Variants in UBASH3B observed in about 807,000 individuals in gnomAD.
UBASH3B encodes ubiquitin-associated and SH3 domain-containing protein B.
UBASH3B carries 37 observed loss-of-function variants against 83.4 expected under a neutral mutation model. The observed-to-expected ratio is 0.44, with a 90% CI of 0.34 to 0.58. The LOEUF is 0.58. UBASH3B is among the 20% of genes least tolerant of loss of function. UBASH3B has a pLI of 0.01. For missense variants in UBASH3B, 657 were observed against 827.2 expected, an observed-to-expected ratio of 0.79 and a Z score of 2.52; for synonymous variants, 304 against 318.3, an observed-to-expected ratio of 0.96 and a Z score of 0.48.
intron 1 of UBASH3B, chr11:122,709,599 TAAAC>T (rs1479862386): frequency 6.6e-6 from 1 of 152,090 alleles, no homozygotes; most frequent in African/African-American, 2.4e-5. Context: ...AGAATGAAAA[TAAAC>T]CCAGCAGCTG....
At chr11:122,732,076 C>T (rs1860853515) in intron 1 of UBASH3B, among the ~76,000 whole-genome samples, 1 of 152,212 alleles carries the variant, frequency 6.6e-6, no homozygotes, top group African/African-American at 2.4e-5. Context: ...TCTCCCCCAT[C>T]TCTAGTCTCC....
intron 1 of UBASH3B, among the ~76,000 whole-genome samples, chr11:122,675,566 G>A (rs1333336816): frequency 1.3e-5 from 2 of 152,288 alleles, no homozygotes; most frequent in East Asian, 3.9e-4. Context: ...TAGCTCAGCC[G>A]CTGTTCTGTC....
chr11:122,733,785 A>G (rs767502500), intron 1 of UBASH3B, among the ~76,000 whole-genome samples: 2 of 152,250 alleles, frequency 1.3e-5, no homozygotes, highest in African/African-American at 2.4e-5. Context: ...TTATTGAAGA[A>G]CTAGAATATC....
chr11:122,776,919 G>A, intron 2 of UBASH3B, 105 bp from the exon 3 acceptor site: 1 of 1,105,780 alleles, frequency 9.0e-7, no homozygotes, highest in Non-Finnish European at 1.3e-6. Flanking sequence ...TCCCCGCGCT[G>A]TGCCGGGGAT....
At chr11:122,801,596 T>G (rs1356228448) in intron 11 of UBASH3B, among the ~76,000 whole-genome samples, 1 of 152,224 alleles carries the variant, frequency 6.6e-6, no homozygotes, top group African/African-American at 2.4e-5. Flanking sequence ...TTCAGTGTAA[T>G]AAAACCATTT....
intron 11 of UBASH3B, among the ~76,000 whole-genome samples, chr11:122,803,636 G>A (rs1861292206): frequency 6.6e-6 from 1 of 152,180 alleles, no homozygotes; most frequent in Non-Finnish European, 1.5e-5. Context: ...TGGGGCTTCA[G>A]AACAGAGCCC....
chr11:122,692,526 TG>T (rs1364459569), intron 1 of UBASH3B, among the ~76,000 whole-genome samples: 1 of 152,136 alleles, frequency 6.6e-6, no homozygotes, highest in African/African-American at 2.4e-5. Flanking sequence ...TCAGGGGGTA[TG>T]GTGGGAACAG....
At chr11:122,784,257 A>T (rs963947374) in intron 5 of UBASH3B, among the ~76,000 whole-genome samples, 1 of 152,160 alleles carries the variant, frequency 6.6e-6, no homozygotes, top group Non-Finnish European at 1.5e-5. Flanking sequence ...TCTATCCTGA[A>T]GGAGAAGCTG....
Position 122,655,899 on chromosome 11 carries a change from C to A in UBASH3B, c.-151C>A. The stretch of plus-strand genomic sequence containing the variant: ...ACCAGGAAGCGTCAGAGTCCCGACA[C>A]TGGGGAAGCTCGGAGCGCCGCCTCC... On this transcript the variant is annotated 5_prime_UTR_variant, in exon 1 of 14. In the 5' UTR this introduces an upstream ATG that the reference lacks. Transcript: ENST00000284273. 1.2e-6 allele frequency: 1 copy of A among 848,246 alleles called. No homozygotes were observed. Among genetic ancestry groups the A allele is most frequent in the Non-Finnish European group, 1.7e-6 (1 of 591,566 alleles). 52.5% of individuals were successfully genotyped at this position (848,246 alleles called of 1,614,324 possible).
At chr11:122,741,012 C>T (rs956080404) in intron 1 of UBASH3B, among the ~76,000 whole-genome samples, 7 of 152,260 alleles carry the variant, frequency 4.6e-5, no homozygotes, top group Admixed American at 1.3e-4. Context: ...TACTTCAAAG[C>T]GCATATTAAC....
chr11:122,685,080 T>TTGGTGGAAA, intron 1 of UBASH3B, among the ~76,000 whole-genome samples: 5 of 152,344 alleles, frequency 3.3e-5, no homozygotes. Flanking sequence ...AGGAAAATAC[T>TTGGTGGAAA]ATCTTTTTTC....
chr11:122,784,769 T>C (rs1007991957), intron 5 of UBASH3B, among the ~76,000 whole-genome samples: 5 of 152,216 alleles, frequency 3.3e-5, no homozygotes, highest in African/African-American at 7.2e-5. Flanking sequence ...GGGTTAAGCA[T>C]GCGCCTGTGA....
At chr11:122,699,207 G>A (rs957314686) in intron 1 of UBASH3B, among the ~76,000 whole-genome samples, 6 of 152,174 alleles carry the variant, frequency 3.9e-5, no homozygotes, top group African/African-American at 1.4e-4. Context: ...GAGGGAACTG[G>A]TATCTATTAG....
chr11:122,798,140 C>A (rs1861184899), intron 9 of UBASH3B, among the ~76,000 whole-genome samples: 1 of 151,702 alleles, frequency 6.6e-6, no homozygotes, highest in African/African-American at 2.4e-5. Flanking sequence ...CAGAGCAAAA[C>A]CCTATCTCTA....
intron 1 of UBASH3B, among the ~76,000 whole-genome samples, chr11:122,694,954 C>CTTTTTTTTTTTTTTTTTTTTT (rs71054088): frequency 2.0e-5 from 1 of 50,414 alleles, no homozygotes; most frequent in Admixed American, 3.8e-4. Context: ...TCTTTTCTTT[C>CTTTTTTTTTTTTTTTTTTTTT]TTTTTTTTTT....
In UBASH3B at chr11:122,698,828, G is replaced by A. The variant is rs538389758; in HGVS notation, c.161+42618G>A. 1.4e-4 allele frequency among the ~76,000 whole-genome samples: 21 copies of A among 152,284 alleles called. No individual in the cohort carries two copies. The South Asian group carries it at 4.4e-3, about 32-fold the overall frequency. ...AGTTGTGGTTATAAATGTGTAGTGT[G>A]TGCAGACCATATACTGGGATTTTAT... is the stretch of plus-strand genomic sequence containing the variant. On this transcript the variant is annotated intron_variant, in intron 1 of 13. Transcript: ENST00000284273.
chr11:122,787,370 G>A lies in UBASH3B; in HGVS notation c.772-1730G>A, dbSNP rs76742539. ...AGAATAAGGAGGCAATCAGAGCAGG[G>A]AAGACCTAGAACTGAAAGATGCTGA... On this transcript the variant is annotated intron_variant, in intron 5 of 13. Transcript: ENST00000284273. Among the ~76,000 whole-genome samples, 1,613 of 152,274 alleles carry A rather than the reference G, an allele frequency of 0.011. 87 individuals are homozygous for A. The East Asian group carries it at 0.17, about 16-fold the overall frequency.
At chr11:122,701,770 C>T (rs1359713821) in intron 1 of UBASH3B, among the ~76,000 whole-genome samples, 1 of 152,178 alleles carries the variant, frequency 6.6e-6, no homozygotes, top group Non-Finnish European at 1.5e-5. Flanking sequence ...ACAACTTTTG[C>T]CCAAAGCAAA....
At chr11:122,666,211 C>G (rs1863515692) in intron 1 of UBASH3B, among the ~76,000 whole-genome samples, 1 of 152,226 alleles carries the variant, frequency 6.6e-6, no homozygotes, top group South Asian at 2.1e-4. Flanking sequence ...AATCCTGCTT[C>G]CACGTTGATG....
Sources: gnomAD v4.1 joint callset for allele counts (sites outside exome capture counted in the v4.1 genomes callset) on GRCh38, gnomAD v4.1.1 for gene constraint, MANE v1.5 for transcripts, NCBI Gene and HGNC (gene_info 2026-07-23, HGNC 2026-07-21) for gene names.